Variants in RHBDD1 observed in about 807,000 individuals in gnomAD.
RHBDD1 encodes rhomboid-related protein 4.
In RHBDD1, 38 loss-of-function variants were observed where a neutral mutation model predicts 36.3. The observed-to-expected ratio is 1.05, with a 90% CI of 0.81 to 1.37. The LOEUF is 1.37. RHBDD1 is among the 40% of genes most tolerant of loss of function. RHBDD1 has a pLI of 0.00. For missense variants in RHBDD1, 393 were observed against 377.6 expected, an observed-to-expected ratio of 1.04 and a Z score of -0.34; for synonymous variants, 151 against 136.5, an observed-to-expected ratio of 1.11 and a Z score of -0.74.
At chr2:226,924,197 C>G (rs1949517099) in intron 8 of RHBDD1, among the ~76,000 whole-genome samples, 1 of 152,132 alleles carries the variant, frequency 6.6e-6, no homozygotes, top group African/African-American at 2.4e-5. Flanking sequence ...GTGGCCTATT[C>G]AGGTCCCTAG....
intron 5 of RHBDD1, among the ~76,000 whole-genome samples, chr2:226,887,064 T>A (rs1351815618): frequency 6.6e-6 from 1 of 152,184 alleles, no homozygotes; most frequent in Non-Finnish European, 1.5e-5. Flanking sequence ...ACAGTAGATT[T>A]GAAAAGATGT....
the RHBDD1 span, among the ~76,000 whole-genome samples, chr2:226,813,667 T>C: frequency 6.6e-6 from 1 of 152,210 alleles, no homozygotes; most frequent in African/African-American, 2.4e-5. Flanking sequence ...ATCAATAAGA[T>C]AGGAATAGTA....
the RHBDD1 span, among the ~76,000 whole-genome samples, chr2:226,817,990 G>A: frequency 6.6e-6 from 1 of 152,160 alleles, no homozygotes. Flanking sequence ...CATTGTTAAG[G>A]TTATACAAAG....
intron 5 of RHBDD1, among the ~76,000 whole-genome samples, chr2:226,880,522 C>G (rs1559226185): frequency 6.6e-6 from 1 of 152,180 alleles, no homozygotes; most frequent in Non-Finnish European, 1.5e-5. Context: ...AGCCAAGGGA[C>G]TTTCCCTCCC....
the RHBDD1 span, chr2:226,808,618 G>A: frequency 4.6e-5 from 7 of 152,234 alleles, no homozygotes; most frequent in South Asian, 4.1e-4. Context: ...TTTTCACAGC[G>A]TGGAGGCTGG....
chr2:226,948,455 A>C (rs1188677542), intron 8 of RHBDD1, among the ~76,000 whole-genome samples: 2 of 150,280 alleles, frequency 1.3e-5, no homozygotes, highest in East Asian at 3.9e-4. Flanking sequence ...ATTGGGAGAC[A>C]TACCTCATGC....
intron 3 of RHBDD1, among the ~76,000 whole-genome samples, chr2:226,860,440 T>G (rs918927376): frequency 2.0e-5 from 3 of 152,198 alleles, no homozygotes; most frequent in Non-Finnish European, 4.4e-5. Flanking sequence ...TCTAAAAATT[T>G]CTATGTATTT....
chr2:226,915,339 C>T (rs542048927), intron 8 of RHBDD1, among the ~76,000 whole-genome samples: 2 of 152,132 alleles, frequency 1.3e-5, no homozygotes, highest in East Asian at 1.9e-4. Flanking sequence ...TCATGTTCTG[C>T]CAGCCCTCAC....
At chr2:226,935,636 T>A (rs5010131) in intron 8 of RHBDD1, among the ~76,000 whole-genome samples, 19 of 43,594 alleles carry the variant, frequency 4.4e-4, no homozygotes, top group East Asian at 5.2e-4. Context: ...TCAGTTTTAT[T>A]TTTTTTTTTT....
the RHBDD1 span, among the ~76,000 whole-genome samples, chr2:226,813,211 A>T: frequency 6.6e-6 from 1 of 152,212 alleles, no homozygotes; most frequent in Admixed American, 6.5e-5. Flanking sequence ...AATACAAACC[A>T]CACACACAAG....
chr2:226,881,749 A>T (rs563530445), intron 5 of RHBDD1, among the ~76,000 whole-genome samples: 1 of 152,192 alleles, frequency 6.6e-6, no homozygotes, highest in Non-Finnish European at 1.5e-5. Context: ...AATATTTTCT[A>T]TAAGTTTTTT....
chr2:226,878,439 G>T (rs943917522), intron 5 of RHBDD1, among the ~76,000 whole-genome samples: 5 of 152,218 alleles, frequency 3.3e-5, no homozygotes, highest in African/African-American at 1.2e-4. Flanking sequence ...GGGTGGATTT[G>T]TGACTTGCTG....
intron 5 of RHBDD1, among the ~76,000 whole-genome samples, chr2:226,887,866 A>G (rs768656344): frequency 2.0e-5 from 3 of 152,220 alleles, no homozygotes; most frequent in Admixed American, 6.5e-5. Context: ...ACTAATAACC[A>G]ATGTAGTGTT....
At chr2:226,805,065 T>A in the RHBDD1 span, 1 of 152,204 alleles carries the variant, frequency 6.6e-6, no homozygotes, top group Non-Finnish European at 1.5e-5. Flanking sequence ...TTTTTAATTT[T>A]CTTGATTTCC....
At chr2:226,885,216 A>G (rs1417638233) in intron 5 of RHBDD1, among the ~76,000 whole-genome samples, 1 of 152,178 alleles carries the variant, frequency 6.6e-6, no homozygotes, top group Admixed American at 6.5e-5. Context: ...GAATTTACAT[A>G]AACTTTTGAT....
rs142057318 is a variant in RHBDD1 at position 226,913,295 on chromosome 2, T to C, written c.713-913T>C. 8.3e-3 allele frequency among the ~76,000 whole-genome samples: 1,257 copies of C among 152,254 alleles called. 15 individuals are homozygous for C. Among genetic ancestry groups the C allele is most frequent in the South Asian group, 0.043 (206 of 4,822 alleles). Reference sequence around the variant, plus strand: ...AACCCAAACCACATTATTTAAATATTTGAAACATCAACTTCAAAGAATATA... The same window carrying C: ...AACCCAAACCACATTATTTAAATATCTGAAACATCAACTTCAAAGAATATA... On this transcript the variant is annotated intron_variant, in intron 7 of 8. Coordinates refer to ENST00000392062, the MANE Select transcript of RHBDD1 (RefSeq NM_001167608.3).
chr2:226,825,986 G>A, the RHBDD1 span, among the ~76,000 whole-genome samples: 3 of 152,160 alleles, frequency 2.0e-5, no homozygotes, highest in Non-Finnish European at 2.9e-5. Context: ...ATGGATTATC[G>A]TTTTTAGCTA....
chr2:226,808,060 TG>T, the RHBDD1 span, among the ~76,000 whole-genome samples: 13 of 151,586 alleles, frequency 8.6e-5, no homozygotes, highest in African/African-American at 2.4e-4. Flanking sequence ...AATAGACTGT[TG>T]GGGGGAGGAC....
At chr2:226,933,759 G>A (rs1265033295) in intron 8 of RHBDD1, among the ~76,000 whole-genome samples, 1 of 152,070 alleles carries the variant, frequency 6.6e-6, no homozygotes, top group Non-Finnish European at 1.5e-5. Context: ...TTTTTTATAA[G>A]GATGAAAGTG....
Sources: allele counts gnomAD v4.1 joint callset (sites outside exome capture counted in the v4.1 genomes callset), GRCh38; gene constraint gnomAD v4.1.1; transcripts MANE v1.5; gene names NCBI Gene and HGNC (gene_info 2026-07-23, HGNC 2026-07-21).